TEDC2: variants seen among roughly 807,000 people sequenced by gnomAD.
TEDC2 encodes the protein tubulin epsilon and delta complex 2, also known as tubulin epsilon and delta complex protein 2.
A neutral mutation model predicts 48.1 loss-of-function variants in TEDC2; 49 were observed. That is an observed-to-expected ratio of 1.02 (90% CI 0.81 to 1.29). TEDC2 has a LOEUF of 1.29. TEDC2 is among the 50% of genes most tolerant of loss of function. The pLI, the probability that TEDC2 is intolerant of heterozygous loss-of-function variation, is 0.00. For synonymous variants in TEDC2, 299 were observed against 247.1 expected (o/e 1.21, Z -1.97); for missense variants, 631 against 571.4 (o/e 1.10, Z -1.06).
At chr16:2,460,261 G>A (rs760704730) in intron 1 of TEDC2, 22 bp from the exon 2 acceptor site, 4 of 1,515,900 alleles carry the variant, frequency 2.6e-6, no homozygotes, top group Middle Eastern at 2.0e-4. Context: ...CCGAGGTGCT[G>A]AGCCGCCGGT....
At chr16:2,461,428 T>C in intron 4 of TEDC2, 1 of 714,484 alleles carries the variant, frequency 1.4e-6, no homozygotes, top group Non-Finnish European at 2.2e-6. Flanking sequence ...AGGGAAGTAC[T>C]GGAGCCTGTC....
rs777125983 is a variant in TEDC2, at chr16:2,460,350, C to T, written c.94C>T (p.Leu32=). Residue 32 remains leucine, a synonymous_variant, in exon 2 of 10, where the codon CTG becomes TTG. Transcript: ENST00000361837. ...GCGACAATTGCAATTGGAGCAGAGC[C>T]TGCGCGTTTGCCGTCGGCTGCTGCA... ...AQRQLQLEQS[L]RVCRRLLHAW... 1.1e-5 allele frequency: 17 copies of T among 1,544,278 alleles called. No homozygotes were observed. The highest frequency in any genetic ancestry group is 2.4e-5 in the South Asian group (2 of 83,986).
chr16:2,460,299 C>G lies in TEDC2; in HGVS notation c.43C>G (p.Gln15Glu). The G allele has an allele frequency of 6.5e-7, 1 of 1,531,456 alleles. No individual in the cohort carries two copies. Among genetic ancestry groups the G allele is most frequent in the Non-Finnish European group, 8.7e-7 (1 of 1,143,196 alleles). The allele number at this position is 1,531,456 out of a possible 1,614,324, so 94.9% of individuals were successfully genotyped here. Residue 15 changes from glutamine (Q) to glutamate (E), a missense_variant, in exon 2 of 10, where the codon CAG (glutamine) becomes GAG (glutamate). Gln to Glu is a conservative substitution (Grantham distance 29). Transcript: ENST00000361837. The part of the protein sequence containing the change: ...GCSRRLVAEL[Q>E]GALDACAQRQ... Reference sequence around the variant, plus strand: ...GTCCCCCAGGCTGGTGGCCGAGCTGCAGGGCGCCCTGGACGCCTGCGCACA... The same window carrying G: ...GTCCCCCAGGCTGGTGGCCGAGCTGGAGGGCGCCCTGGACGCCTGCGCACA...
At position 2,461,527 on chromosome 16, in the gene TEDC2, C is replaced by T. The variant is rs558969597; in HGVS notation, c.606-220C>T. 17 of 641,772 alleles carry T rather than the reference C, an allele frequency of 2.6e-5. No individual in the cohort carries two copies. The African/African-American group carries it at 3.6e-4, about 14-fold the overall frequency. The allele number at this position is 641,772 out of a possible 1,614,324, so 39.8% of individuals were successfully genotyped here. ...AGGGCGTGGGATCTGCTCACAGGGC[C>T]CCGCTCACAGGGCCCCCTCTTCTCT... On this transcript the variant is annotated intron_variant, in intron 4 of 9. Transcript: ENST00000361837.
chr16:2,460,713 C>T lies in TEDC2; in HGVS notation c.196+20C>T, dbSNP rs749989782. ...TTCCAGGTAAACCTCCACCACCCGC[C>T]TTCTCCAGGTGCTGCTCTGGCCTGT... On this transcript the variant is annotated intron_variant, in intron 3 of 9. Coordinates refer to ENST00000361837, the MANE Select transcript of TEDC2 (RefSeq NM_025108.3). The T allele has an allele frequency of 3.1e-6, 5 of 1,612,988 alleles. No homozygotes were observed. The South Asian group carries it at 4.4e-5, about 14-fold the overall frequency.
In TEDC2 at chr16:2,461,767, C is replaced by G. The variant is rs1423673838; in HGVS notation, c.626C>G (p.Ala209Gly). 1 of 1,613,166 alleles carries G rather than the reference C, an allele frequency of 6.2e-7. No homozygotes were observed. Among genetic ancestry groups the G allele is most frequent in the Non-Finnish European group, 8.5e-7 (1 of 1,179,964 alleles). ...GACAGGCACCTGCTGCGGCTGCCTG[C>G]GGCATTCAGGAAAGCAGCTTCCCAG... ...KEKGHLLRLP[A>G]AFRKAASQNS... Residue 209 changes from alanine to glycine, a missense_variant, in exon 5 of 10, where the codon GCG (alanine) becomes GGG (glycine). Transcript: ENST00000361837.
At chr16:2,461,998 C>A in intron 5 of TEDC2, 151 bp from the exon 6 acceptor site, 1 of 1,072,444 alleles carries the variant, frequency 9.3e-7, no homozygotes, top group Non-Finnish European at 1.3e-6. Context: ...TCCCTGCGGC[C>A]TCTGGAGGCC....
Position 2,464,353 on chromosome 16 carries a change from G to A in TEDC2, c.1155+124G>A, listed in dbSNP as rs867048850. On this transcript the variant is annotated intron_variant, in intron 9 of 9. Coordinates refer to ENST00000361837, the MANE Select transcript of TEDC2 (RefSeq NM_025108.3). ...ATGGGGGCAAGCCTGGGGTCTGTGT[G>A]TGTGGGTTGGGAAGTGCATGGGTCA... 6.2e-5 allele frequency: 86 copies of A among 1,379,478 alleles called. No homozygotes were observed. In the Middle Eastern group the frequency reaches 5.7e-3, roughly 92 times the overall value. 85.5% of individuals were successfully genotyped at this position (1,379,478 alleles called of 1,614,324 possible).
At chr16:2,461,301 T>C (rs2065465485) in intron 4 of TEDC2, 77 bp downstream of exon 4, 1 of 1,418,820 alleles carries the variant, frequency 7.0e-7, no homozygotes. Context: ...AGCCTGGGAT[T>C]TGGGGTGACA....
At position 2,462,150 on chromosome 16, in the gene TEDC2, C is replaced by G; in HGVS notation, c.661C>G (p.Leu221Val). 1 of 1,613,060 alleles carries G rather than the reference C, an allele frequency of 6.2e-7. No homozygotes were observed. Among genetic ancestry groups the G allele is most frequent in the Non-Finnish European group, 8.5e-7 (1 of 1,180,002 alleles). ...FRKAASQNSS[L>V]WAQLSSTQTS... Reference sequence around the variant, plus strand: ...GTGCACCCCACGTGTGCACCCCAGCCTGTGGGCCCAGCTCAGTTCCACACA... The same window carrying G: ...GTGCACCCCACGTGTGCACCCCAGCGTGTGGGCCCAGCTCAGTTCCACACA... Residue 221 changes from leucine to valine, a missense_variant and splice_region_variant, in exon 6 of 10, where the codon CTG (leucine) becomes GTG (valine). Transcript: ENST00000361837.
At position 2,464,556 on chromosome 16, in the gene TEDC2, C is replaced by T; in HGVS notation, c.1190C>T (p.Ala397Val). The change falls in exon 10 of 10, where the codon GCT becomes GTT. Residue 397 changes from alanine to valine, a missense_variant. Physicochemically the swap from Ala to Val is moderately conservative, Grantham distance 64. Transcript: ENST00000361837. ...LMAELLPLVS[A>V]AQPQGPPWLA... ...GCTGAACTCCTCCCCCTGGTAAGCG[C>T]TGCACAGCCGCAGGGGCCGCCCTGG... 6.3e-7 allele frequency: 1 copy of T among 1,599,882 alleles called. No homozygotes were observed. Among genetic ancestry groups the T allele is most frequent in the Non-Finnish European group, 8.5e-7 (1 of 1,177,434 alleles).
intron 8 of TEDC2, among the ~76,000 whole-genome samples, chr16:2,463,513 G>C (rs971995803): frequency 6.6e-6 from 1 of 151,926 alleles, no homozygotes; most frequent in Admixed American, 6.6e-5. Context: ...TGTAATCCCA[G>C]CTACTTGGGA....
chr16:2,462,394 G>A, intron 6 of TEDC2, 21 bp from the exon 7 acceptor site: 1 of 1,611,712 alleles, frequency 6.2e-7, no homozygotes, highest in Non-Finnish European at 8.5e-7. Flanking sequence ...CTGCAGGGAA[G>A]TTTTCCTGAC....
At chr16:2,461,358 C>T (rs1345724314) in intron 4 of TEDC2, 134 bp downstream of exon 4, 5 of 1,208,284 alleles carry the variant, frequency 4.1e-6, no homozygotes, top group Non-Finnish European at 4.4e-6. Flanking sequence ...GAGGCTCATG[C>T]TCAGAAGCTG....
chr16:2,460,960 C>T lies in TEDC2; in HGVS notation c.341C>T (p.Ser114Phe). The change falls in exon 4 of 10, where the codon TCT (serine) becomes TTT (phenylalanine). Residue 114 changes from serine to phenylalanine, a missense_variant. Physicochemically the swap from Ser to Phe is radical, Grantham distance 155 (BLOSUM62 -2). Transcript: ENST00000361837. ...CTGAAATCTAGGTCCATTGTCACCT[C>T]TTCTGGCACGACAGCCTCCGCCCCA... ...PSLKSRSIVTSSGTTASAPPH... is the reference protein window; with the variant it reads ...PSLKSRSIVTFSGTTASAPPH... The T allele has an allele frequency of 6.2e-7, 1 of 1,613,520 alleles. No individual in the cohort carries two copies. Among genetic ancestry groups the T allele is most frequent in the East Asian group, 2.2e-5 (1 of 44,886 alleles).
chr16:2,461,237 G>T lies in TEDC2; in HGVS notation c.605+13G>T. 1 of 1,450,192 alleles carries T rather than the reference G, an allele frequency of 6.9e-7. No individual in the cohort carries two copies. The highest frequency in any genetic ancestry group is 2.5e-5 in the East Asian group (1 of 39,790). 89.8% of individuals were successfully genotyped at this position (1,450,192 alleles called of 1,614,324 possible). Reference sequence around the variant, plus strand: ...TCAAGGAGAAGGGGTAGGTTTCCCGGACCCTCACTGGAGGGACTTCTGTCT... The same window carrying T: ...TCAAGGAGAAGGGGTAGGTTTCCCGTACCCTCACTGGAGGGACTTCTGTCT... On this transcript the variant is annotated intron_variant, in intron 4 of 9. Transcript: ENST00000361837.
Position 2,462,707 on chromosome 16 carries a change from G to T in TEDC2, c.939G>T (p.Leu313=). 6.5e-7 allele frequency: 1 copy of T among 1,543,880 alleles called. No individual in the cohort carries two copies. The highest frequency in any genetic ancestry group is 8.7e-7 in the Non-Finnish European group (1 of 1,146,632). ...EGLQAMVGQC[L]HRLQELRAAV... is the part of the protein sequence containing the mutation. ...TGCAGGCCATGGTGGGCCAGTGTCTGCACAGGCTGCAGGAGCTGCGTGCAG... is the reference window on the plus strand; with the variant it reads ...TGCAGGCCATGGTGGGCCAGTGTCTTCACAGGCTGCAGGAGCTGCGTGCAG... The change falls in exon 8 of 10, where the codon CTG becomes CTT. Residue 313 remains leucine (L), a synonymous_variant. Coordinates refer to ENST00000361837, the MANE Select transcript of TEDC2 (RefSeq NM_025108.3).
chr16:2,462,840 C>G lies in TEDC2; in HGVS notation c.964+108C>G, dbSNP rs2065475534. On this transcript the variant is annotated intron_variant, in intron 8 of 9. Coordinates refer to ENST00000361837, the MANE Select transcript of TEDC2 (RefSeq NM_025108.3). ...AGGGAAGGGTGAGCAGCCCAGGGAC[C>G]AGATGCAAGTTGGTGGGCCCCTCCA... The G allele has an allele frequency of 6.2e-5, 67 of 1,078,478 alleles. 1 individual carries two copies. The South Asian group carries it at 1.1e-3, about 17-fold the overall frequency. 66.8% of individuals were successfully genotyped at this position (1,078,478 alleles called of 1,614,324 possible). A position where few individuals can be genotyped will look rare whatever the true frequency, so the allele number is the denominator to read the frequency against.
At position 2,462,527 on chromosome 16, in the gene TEDC2, G is replaced by T; in HGVS notation, c.862+1G>T. Reference sequence around the variant, plus strand: ...CGCATGAGGGAGGAGCTCTCGGCAGGTCAGTGGGTCCTGGGTCTGTATCAG... The same window carrying T: ...CGCATGAGGGAGGAGCTCTCGGCAGTTCAGTGGGTCCTGGGTCTGTATCAG... On this transcript the variant is annotated splice_donor_variant, in intron 7 of 9. Transcript: ENST00000361837. LOFTEE classifies it high-confidence loss of function. 1 of 1,594,874 alleles carries T rather than the reference G, an allele frequency of 6.3e-7. No individual in the cohort carries two copies. Among genetic ancestry groups the T allele is most frequent in the South Asian group, 1.1e-5 (1 of 88,700 alleles).
Sources: allele counts gnomAD v4.1 joint callset (sites outside exome capture counted in the v4.1 genomes callset), GRCh38; gene constraint gnomAD v4.1.1; transcripts MANE v1.5; gene names NCBI Gene and HGNC (gene_info 2026-07-23, HGNC 2026-07-21).